Variants in ANKRD6 observed in about 807,000 individuals in gnomAD.
ANKRD6 encodes ankyrin repeat domain 6.
Under a neutral mutation model 82.3 loss-of-function variants are expected in ANKRD6, and 56 were observed. The observed-to-expected ratio is 0.68, with a 90% CI of 0.55 to 0.85. The LOEUF is 0.85. Ranked by LOEUF, ANKRD6 falls within the 40% of genes least tolerant of loss-of-function variation. ANKRD6 has a pLI of 0.00. For missense variants in ANKRD6, 852 were observed against 907.6 expected (o/e 0.94, Z 0.79); for synonymous variants, 347 against 352.1 (o/e 0.99, Z 0.16).
intron 1 of ANKRD6, among the ~76,000 whole-genome samples, chr6:89,472,342 C>T (rs950143023): frequency 2.6e-5 from 4 of 152,182 alleles, no homozygotes; most frequent in Admixed American, 1.3e-4. Flanking sequence ...AACAGCAACC[C>T]GTTAAGCTCC....
chr6:89,543,875 C>T (rs1019464843), intron 1 of ANKRD6, among the ~76,000 whole-genome samples: 25 of 152,204 alleles, frequency 1.6e-4, no homozygotes, highest in African/African-American at 5.5e-4. Flanking sequence ...CCTTGCTGTC[C>T]GTTATGACAT....
chr6:89,517,193 G>A (rs930841738), intron 1 of ANKRD6, among the ~76,000 whole-genome samples: 102 of 152,264 alleles, frequency 6.7e-4, no homozygotes, highest in African/African-American at 1.3e-3. Context: ...AAGCCACCAT[G>A]TTTGTGTAAT....
intron 8 of ANKRD6, 61 bp downstream of exon 8, chr6:89,616,718 T>C: frequency 8.6e-6 from 13 of 1,503,002 alleles, no homozygotes; most frequent in South Asian, 1.1e-5. Context: ...GAATGGGATG[T>C]GTACTAAACC....
At chr6:89,554,370 C>G (rs995729881) in intron 1 of ANKRD6, among the ~76,000 whole-genome samples, 1 of 152,136 alleles carries the variant, frequency 6.6e-6, no homozygotes, top group Non-Finnish European at 1.5e-5. Flanking sequence ...TCTCAAAACT[C>G]TGCCTCTCTT....
chr6:89,529,038 A>G (rs1478458569), intron 1 of ANKRD6, among the ~76,000 whole-genome samples: 2 of 152,256 alleles, frequency 1.3e-5, no homozygotes, highest in African/African-American at 2.4e-5. Context: ...GGATTGGCAC[A>G]TCAGCATTCA....
chr6:89,570,523 C>G (rs1447152674), intron 2 of ANKRD6, among the ~76,000 whole-genome samples: 2 of 152,198 alleles, frequency 1.3e-5, no homozygotes, highest in South Asian at 4.1e-4. Context: ...TCTTCCCCAG[C>G]TGAAGCTCTA....
At chr6:89,574,564 G>A (rs1222281820) in intron 2 of ANKRD6, among the ~76,000 whole-genome samples, 2 of 152,202 alleles carry the variant, frequency 1.3e-5, no homozygotes, top group Non-Finnish European at 2.9e-5. Context: ...TGCCGAATGA[G>A]GGGAATAATG....
chr6:89,621,943 C>T lies in ANKRD6; in HGVS notation c.814C>T (p.Arg272Ter), dbSNP rs372004869. Residue 272 changes from arginine to a stop codon, truncating the protein, a stop_gained, in exon 10 of 16, where the codon CGA becomes TGA. Coordinates refer to ENST00000339746, the MANE Select transcript of ANKRD6 (RefSeq NM_001242809.2). LOFTEE classifies it high-confidence loss of function. ...TCAGGTCTTGCGCTTCAGTCGTGGG[C>T]GAAGCCTGAGGAAAAAGAGAGAGAG... ...APQVLRFSRG[R>*]SLRKKRERLK... The T allele has an allele frequency of 9.3e-6, 15 of 1,613,696 alleles. No homozygotes were observed. The highest frequency in any genetic ancestry group is 4.0e-5 in the African/African-American group (3 of 74,874).
At chr6:89,588,877 C>A (rs909875663) in intron 2 of ANKRD6, among the ~76,000 whole-genome samples, 3 of 151,470 alleles carry the variant, frequency 2.0e-5, no homozygotes, top group Non-Finnish European at 4.4e-5. Flanking sequence ...TGGTGGTGCA[C>A]GCCTGTAGTC....
intron 1 of ANKRD6, among the ~76,000 whole-genome samples, chr6:89,470,738 T>C (rs1459535307): frequency 1.3e-5 from 2 of 152,212 alleles, no homozygotes; most frequent in Non-Finnish European, 2.9e-5. Flanking sequence ...GAACATCTTT[T>C]ATAGCTATCT....
intron 1 of ANKRD6, among the ~76,000 whole-genome samples, chr6:89,459,329 C>T (rs1014476491): frequency 2.0e-5 from 3 of 152,174 alleles, no homozygotes; most frequent in Non-Finnish European, 4.4e-5. Flanking sequence ...CTGCCCGCCT[C>T]GGCCTCCCAA....
Position 89,630,883 on chromosome 6 carries a change from AAG to A in ANKRD6, c.2065_2066del (p.Glu689SerfsTer13). ...GAAAAGTGGTATGAAAGGAAGATTG[AAG>A]AAGCACGAAGCCAAGCCAATCAGAA... On this transcript the variant is annotated frameshift_variant, in exon 16 of 16. Coordinates refer to ENST00000339746, the MANE Select transcript of ANKRD6 (RefSeq NM_001242809.2). LOFTEE classifies it high-confidence loss of function. 6.2e-7 allele frequency: 1 copy of A among 1,613,618 alleles called. No individual in the cohort carries two copies. The highest frequency in any genetic ancestry group is 1.1e-5 in the South Asian group (1 of 91,020).
At chr6:89,492,857 A>T (rs1367381453) in intron 1 of ANKRD6, among the ~76,000 whole-genome samples, 2 of 152,150 alleles carry the variant, frequency 1.3e-5, no homozygotes, top group African/African-American at 2.4e-5. Context: ...ATTAAATTTT[A>T]TATCTACCAG....
In ANKRD6 at chr6:89,630,842, T is replaced by A. The variant is rs1343319460; in HGVS notation, c.2022T>A (p.Ala674=). The A allele has an allele frequency of 6.2e-7, 1 of 1,613,796 alleles. No homozygotes were observed. The highest frequency in any genetic ancestry group is 1.3e-5 in the African/African-American group (1 of 74,928). Residue 674 remains alanine, a synonymous_variant, in exon 16 of 16, where the codon GCT becomes GCA. Transcript: ENST00000339746. ...AGCTTACCCAGTATTTTTTTGAGGC[T>A]GTTTCTACCCAGATGGAAAAGTGGT... The part of the protein sequence containing the change: ...ALELTQYFFE[A]VSTQMEKWYE...
chr6:89,588,478 T>C (rs1794219447), intron 2 of ANKRD6, among the ~76,000 whole-genome samples: 2 of 152,200 alleles, frequency 1.3e-5, no homozygotes, highest in Admixed American at 1.3e-4. Flanking sequence ...TATGAAATGA[T>C]TACACTAATT....
intron 1 of ANKRD6, among the ~76,000 whole-genome samples, chr6:89,547,596 C>T (rs1224894872): frequency 2.0e-5 from 3 of 152,138 alleles, no homozygotes; most frequent in African/African-American, 2.4e-5. Context: ...CTCTTGCCAT[C>T]CCCTCAGTAT....
At chr6:89,458,697 C>T (rs1290595085) in intron 1 of ANKRD6, among the ~76,000 whole-genome samples, 1 of 152,152 alleles carries the variant, frequency 6.6e-6, no homozygotes, top group Non-Finnish European at 1.5e-5. Flanking sequence ...TGGTGCCCAC[C>T]CAGATTGAGG....
intron 1 of ANKRD6, 97 bp from the exon 2 acceptor site, chr6:89,566,737 T>C (rs1341666336): frequency 4.4e-6 from 2 of 450,198 alleles, no homozygotes; most frequent in Non-Finnish European, 8.1e-6. Context: ...CCCTGCAACA[T>C]GCAAGCAGCA....
chr6:89,579,362 A>G (rs1791921066), intron 2 of ANKRD6, among the ~76,000 whole-genome samples: 1 of 152,246 alleles, frequency 6.6e-6, no homozygotes, highest in Non-Finnish European at 1.5e-5. Flanking sequence ...CAATGCAACA[A>G]TGCTAAGAGC....
Sources: allele counts gnomAD v4.1 joint callset (sites outside exome capture counted in the v4.1 genomes callset), GRCh38; gene constraint gnomAD v4.1.1; transcripts MANE v1.5; gene names NCBI Gene and HGNC (gene_info 2026-07-23, HGNC 2026-07-21).